The following MYL10 variants were observed in gnomAD, a reference collection of about 807,000 sequenced individuals.
The protein encoded by MYL10 is myosin light chain 10, also known as myosin regulatory light chain 10.
MYL10 carries 18 observed loss-of-function variants against 21.9 expected under a neutral mutation model. The observed-to-expected ratio is 0.82, with a 90% CI of 0.57 to 1.22. The LOEUF (loss-of-function observed/expected upper bound fraction) is 1.22, where lower values mean the gene tolerates loss of function less well. Among genes scored for constraint, MYL10 ranks in the 50% most tolerant of loss-of-function variants. The pLI is 0.00. For missense variants in MYL10, 225 were observed against 230.4 expected (o/e 0.98, Z 0.15); for synonymous variants, 88 against 82.8 (o/e 1.06, Z -0.34).
Position 101,624,410 on chromosome 7 carries a change from T to C in MYL10, c.79-146A>G, listed in dbSNP as rs116681471. 2.7e-3 allele frequency: 1,602 copies of C among 603,736 alleles called. 21 individuals are homozygous for C. In the African/African-American group the frequency reaches 0.028, roughly 10 times the overall value. 37.4% of individuals were successfully genotyped at this position (603,736 alleles called of 1,614,324 possible). Reference sequence around the variant, plus strand: ...TACAGCAGACAGACAAGGCTACCCCTGAAGCCTTGCAGGTAATCAGGACGT... The same window carrying C: ...TACAGCAGACAGACAAGGCTACCCCCGAAGCCTTGCAGGTAATCAGGACGT... On this transcript the variant is annotated intron_variant, in intron 1 of 7. Coordinates refer to ENST00000223167, the MANE Select transcript of MYL10 (RefSeq NM_138403.5).
chr7:101,622,974 C>T (rs763347776), intron 4 of MYL10, 23 bp downstream of exon 4: 8 of 1,611,200 alleles, frequency 5.0e-6, no homozygotes, highest in African/African-American at 1.3e-5. Context: ...GCCCTAATCT[C>T]CCCCGGCTGC....
chr7:101,620,131 G>A (rs1796659641), intron 5 of MYL10, among the ~76,000 whole-genome samples: 1 of 152,042 alleles, frequency 6.6e-6, no homozygotes, highest in South Asian at 2.1e-4. Context: ...AGACCAGCCT[G>A]GCCAATGTAG....
chr7:101,623,530 A>C (rs1796705550), intron 3 of MYL10, among the ~76,000 whole-genome samples: 1 of 151,904 alleles, frequency 6.6e-6, no homozygotes, highest in Non-Finnish European at 1.5e-5. Flanking sequence ...CCCTGTCTCT[A>C]CAAAACATTA....
At chr7:101,622,050 C>T (rs1404833732) in intron 5 of MYL10, 46 bp downstream of exon 5, 3 of 1,461,630 alleles carry the variant, frequency 2.1e-6, no homozygotes, top group Non-Finnish European at 2.9e-6. Flanking sequence ...ATCCGTCCCC[C>T]TGCCATTCCC....
Position 101,613,490 on chromosome 7 carries a change from A to C in MYL10, c.666T>G (p.Gly222=). 6.2e-7 allele frequency: 1 copy of C among 1,613,886 alleles called. No homozygotes were observed. The highest frequency in any genetic ancestry group is 1.1e-5 in the South Asian group (1 of 91,070). Residue 222 remains glycine, a synonymous_variant, in exon 8 of 8, where the codon GGT becomes GGG. Coordinates refer to ENST00000223167, the MANE Select transcript of MYL10 (RefSeq NM_138403.5). ...YRNLCYVITH[G]EEKD ...TTGTGATCCCCTAATCCTTCTCTTC[A>C]CCGTGAGTGATGACGTAGCACAGGT...
chr7:101,616,656 G>A (rs1796612970), intron 5 of MYL10, among the ~76,000 whole-genome samples: 1 of 152,250 alleles, frequency 6.6e-6, no homozygotes, highest in African/African-American at 2.4e-5. Context: ...TAAGTGACTT[G>A]CCCAGGGTCT....
chr7:101,620,766 G>C (rs563539486), intron 5 of MYL10, among the ~76,000 whole-genome samples: 2 of 151,622 alleles, frequency 1.3e-5, no homozygotes, highest in Non-Finnish European at 2.9e-5. Flanking sequence ...CCACTGCCTG[G>C]GCTGACCCTT....
intron 5 of MYL10, among the ~76,000 whole-genome samples, chr7:101,620,096 C>T (rs1047061994): frequency 2.0e-5 from 3 of 151,916 alleles, no homozygotes; most frequent in South Asian, 2.1e-4. Flanking sequence ...CGGATATGGG[C>T]GGATCACTTG....
chr7:101,623,849 A>G (rs1373447252), intron 3 of MYL10, 71 bp downstream of exon 3: 2 of 233,320 alleles, frequency 8.6e-6, no homozygotes, highest in East Asian at 2.7e-4. Context: ...CCAACATGGC[A>G]AAACCCCATC....
At chr7:101,619,065 G>A (rs1054516426) in intron 5 of MYL10, among the ~76,000 whole-genome samples, 2 of 152,112 alleles carry the variant, frequency 1.3e-5, no homozygotes, top group Admixed American at 6.5e-5. Flanking sequence ...TCCTGGGCCC[G>A]GCCCTGGGCC....
intron 3 of MYL10, 119 bp from the exon 4 acceptor site, chr7:101,623,191 C>T: frequency 2.4e-6 from 2 of 828,890 alleles, no homozygotes; most frequent in African/African-American, 1.7e-5. Flanking sequence ...CCTCTGGCAG[C>T]CCAGCTGGGA....
intron 1 of MYL10, among the ~76,000 whole-genome samples, 182 bp downstream of exon 1, chr7:101,628,859 A>C (rs1584544002): frequency 6.6e-6 from 1 of 152,358 alleles, no homozygotes; most frequent in East Asian, 1.9e-4. Flanking sequence ...GAATATCATA[A>C]TAATAATAAG....
chr7:101,625,245 A>C (rs1796730050), intron 1 of MYL10, among the ~76,000 whole-genome samples: 1 of 152,108 alleles, frequency 6.6e-6, no homozygotes, highest in African/African-American at 2.4e-5. Flanking sequence ...CTGGAAGTCC[A>C]CCATTGGGCA....
chr7:101,625,287 C>T (rs1208660525), intron 1 of MYL10, among the ~76,000 whole-genome samples: 1 of 152,202 alleles, frequency 6.6e-6, no homozygotes, highest in East Asian at 1.9e-4. Context: ...CCAAGACCCT[C>T]AAGAGTCCTG....
rs1391475206 is a variant in MYL10, at chr7:101,626,253, CAT to C, written c.79-1991_79-1990del. Among the ~76,000 whole-genome samples, 6 of 152,312 alleles carry C rather than the reference CAT, an allele frequency of 3.9e-5. No homozygotes were observed. The South Asian group carries it at 1.2e-3, about 32-fold the overall frequency. ...GCAGGTCAACCTCAAAGCATCAGGACATGTATTAGACACCTACGGACCTCCAG... is the reference window on the plus strand; with the variant it reads ...GCAGGTCAACCTCAAAGCATCAGGACGTATTAGACACCTACGGACCTCCAG... On this transcript the variant is annotated intron_variant, in intron 1 of 7. Transcript: ENST00000223167.
rs752522714 is a variant in MYL10, at chr7:101,622,222, G to A, written c.350-22C>T. 8 of 1,583,748 alleles carry A rather than the reference G, an allele frequency of 5.1e-6. No individual in the cohort carries two copies. The Admixed American group carries it at 1.0e-4, about 20-fold the overall frequency. ...CGGCCTGTGGGAGGTGAGAGGTGGGGGCAGGGAGGATAAGAGAGATCAGAG... is the reference window on the plus strand; with the variant it reads ...CGGCCTGTGGGAGGTGAGAGGTGGGAGCAGGGAGGATAAGAGAGATCAGAG... On this transcript the variant is annotated intron_variant, in intron 4 of 7. Transcript: ENST00000223167.
chr7:101,623,842 A>G (rs1796711693), intron 3 of MYL10, 78 bp downstream of exon 3: 1 of 226,836 alleles, frequency 4.4e-6, no homozygotes. Context: ...AGCCTGGCCA[A>G]CATGGCAAAA....
chr7:101,616,316 A>G lies in MYL10; in HGVS notation c.455-18T>C, dbSNP rs1333053096. On this transcript the variant is annotated intron_variant, in intron 5 of 7. Coordinates refer to ENST00000223167, the MANE Select transcript of MYL10 (RefSeq NM_138403.5). ...GTCCGTGCCTATAAGCAGCACATACAGGGCAGGGAGAGAGGCAGGTGAAGA... is the reference window on the plus strand; with the variant it reads ...GTCCGTGCCTATAAGCAGCACATACGGGGCAGGGAGAGAGGCAGGTGAAGA... 1.1e-5 allele frequency: 17 copies of G among 1,607,096 alleles called. No individual in the cohort carries two copies. Among genetic ancestry groups the G allele is most frequent in the Non-Finnish European group, 1.4e-5 (17 of 1,173,922 alleles).
At chr7:101,626,834 C>T (rs1215906709) in intron 1 of MYL10, among the ~76,000 whole-genome samples, 1 of 152,146 alleles carries the variant, frequency 6.6e-6, no homozygotes, top group African/African-American at 2.4e-5. Flanking sequence ...GGAGAGGAGT[C>T]CCGAGTGGGG....
Sources: allele counts gnomAD v4.1 joint callset (sites outside exome capture counted in the v4.1 genomes callset), GRCh38; gene constraint gnomAD v4.1.1; transcripts MANE v1.5; gene names NCBI Gene and HGNC (gene_info 2026-07-23, HGNC 2026-07-21).